The following MACROD2 variants were observed in gnomAD, a reference collection of about 807,000 sequenced individuals.
MACROD2 encodes mono-ADP ribosylhydrolase 2.
Under a neutral mutation model 70.4 loss-of-function variants are expected in MACROD2, and 36 were observed. The ratio of observed to expected loss-of-function variants is 0.51; its 90% CI spans 0.39 to 0.68. The LOEUF (loss-of-function observed/expected upper bound fraction) is 0.68, where lower values mean the gene tolerates loss of function less well. Among genes scored for constraint, MACROD2 ranks in the 30% least tolerant of loss-of-function variants. The pLI, the probability that MACROD2 is intolerant of heterozygous loss-of-function variation, is 0.00. For missense variants in MACROD2, 496 were observed against 538.4 expected (o/e 0.92, Z 0.78); for synonymous variants, 172 against 178.8 (o/e 0.96, Z 0.30).
At chr20:14,001,486 TCTTA>T (rs1340960704) in intron 1 of MACROD2, among the ~76,000 whole-genome samples, 1 of 150,476 alleles carries the variant, frequency 6.6e-6, no homozygotes, top group Non-Finnish European at 1.5e-5. Flanking sequence ...TTTTTTGTGC[TCTTA>T]CTATTTGTAC....
At chr20:14,381,376 C>G (rs568374789) in intron 3 of MACROD2, among the ~76,000 whole-genome samples, 1 of 152,102 alleles carries the variant, frequency 6.6e-6, no homozygotes, top group South Asian at 2.1e-4. Context: ...AATGAGTGAT[C>G]GTTGACCTGG....
intron 3 of MACROD2, among the ~76,000 whole-genome samples, chr20:14,446,501 C>T (rs1035334272): frequency 6.6e-6 from 1 of 152,044 alleles, no homozygotes; most frequent in Non-Finnish European, 1.5e-5. Flanking sequence ...TCTTGAGGAG[C>T]CAGGATGAAC....
chr20:15,174,700 C>T (rs1034194599), intron 5 of MACROD2, among the ~76,000 whole-genome samples: 2 of 152,224 alleles, frequency 1.3e-5, no homozygotes, highest in African/African-American at 4.8e-5. Flanking sequence ...ACCATTCTAA[C>T]TGGTGTGAGA....
intron 3 of MACROD2, among the ~76,000 whole-genome samples, chr20:14,413,344 T>TA (rs2083770278): frequency 6.6e-6 from 1 of 151,418 alleles, no homozygotes; most frequent in African/African-American, 2.4e-5. Context: ...TATTTCCCTG[T>TA]AAAACTGATA....
chr20:15,560,251 A>T (rs969530286), intron 8 of MACROD2, among the ~76,000 whole-genome samples: 4 of 152,372 alleles, frequency 2.6e-5, no homozygotes, highest in African/African-American at 7.2e-5. Flanking sequence ...CATCTCTACC[A>T]GTTAACTACC....
intron 5 of MACROD2, among the ~76,000 whole-genome samples, chr20:15,222,890 T>C (rs1169940086): frequency 6.6e-6 from 1 of 152,246 alleles, no homozygotes; most frequent in Non-Finnish European, 1.5e-5. Context: ...TAAATAATTC[T>C]ACTGCTTTCA....
At chr20:15,426,958 G>T (rs541794626) in intron 6 of MACROD2, among the ~76,000 whole-genome samples, 28 of 152,180 alleles carry the variant, frequency 1.8e-4, no homozygotes, top group African/African-American at 6.3e-4. Flanking sequence ...TGCTGCAAAA[G>T]TTGTTAGTTT....
At position 15,134,034 on chromosome 20, in the gene MACROD2, G is replaced by A. The variant is rs888918391; in HGVS notation, c.419-95906G>A. Among the ~76,000 whole-genome samples the A allele has an allele frequency of 1.3e-3, 194 of 148,838 alleles. 2 individuals carry two copies. Among genetic ancestry groups the A allele is most frequent in the Non-Finnish European group, 5.5e-4 (37 of 67,214 alleles). ...CCATTCTCCTGCCTCAGCCTCCCGC[G>A]TAGCTGGGAATACAGGTGCCCGCCA... On this transcript the variant is annotated intron_variant, in intron 5 of 17. Coordinates refer to ENST00000684519, the MANE Select transcript of MACROD2 (RefSeq NM_001351661.2).
chr20:14,817,016 A>G (rs1011547330), intron 5 of MACROD2, among the ~76,000 whole-genome samples: 3 of 152,150 alleles, frequency 2.0e-5, no homozygotes, highest in African/African-American at 7.2e-5. Flanking sequence ...CATCTAAATG[A>G]ATGCTTATCA....
Position 15,334,412 on chromosome 20 carries a change from C to T in MACROD2, c.541-96993C>T, listed in dbSNP as rs143938761. Among the ~76,000 whole-genome samples, 630 of 151,690 alleles carry T rather than the reference C, an allele frequency of 4.2e-3. 23 individuals carry two copies. The highest frequency in any genetic ancestry group is 0.015 in the African/African-American group (603 of 41,096). The stretch of plus-strand genomic sequence containing the variant: ...AAAAGATTACATAGTGTGGTGGAAA[C>T]AGCAAGATATTTGGAGCCAGACAAG... On this transcript the variant is annotated intron_variant, in intron 6 of 17. Transcript: ENST00000684519.
chr20:15,848,191 A>ATGAC (rs2064254858), intron 8 of MACROD2, among the ~76,000 whole-genome samples: 1 of 152,138 alleles, frequency 6.6e-6, no homozygotes, highest in Non-Finnish European at 1.5e-5. Flanking sequence ...ATCTGTATCA[A>ATGAC]TCACTCTCTC....
chr20:14,961,927 C>A (rs116442180), intron 5 of MACROD2, among the ~76,000 whole-genome samples: 1,660 of 152,206 alleles, frequency 0.011, 30 homozygotes, highest in East Asian at 0.051. Flanking sequence ...TATACAATAT[C>A]AATAACTAAA....
Position 14,518,871 on chromosome 20 carries a change from A to C in MACROD2, c.301+25363A>C, listed in dbSNP as rs1354178274. Among the ~76,000 whole-genome samples the C allele has an allele frequency of 1.1e-4, 17 of 152,272 alleles. No individual in the cohort carries two copies. The East Asian group carries it at 3.3e-3, about 29-fold the overall frequency. On this transcript the variant is annotated intron_variant, in intron 4 of 17. Transcript: ENST00000684519. ...TGAGTGAGGTCTGGATTTCACAGGA[A>C]AGGCTTTTTGAAAAATCACAATCCT... is the stretch of plus-strand genomic sequence containing the variant.
chr20:15,517,747 C>T (rs192414141), intron 8 of MACROD2, among the ~76,000 whole-genome samples: 16 of 152,318 alleles, frequency 1.1e-4, no homozygotes, highest in African/African-American at 3.6e-4. Flanking sequence ...GCCCCTTGTG[C>T]GCAGGGTCCC....
intron 5 of MACROD2, among the ~76,000 whole-genome samples, chr20:15,088,722 A>G (rs917358159): frequency 2.6e-5 from 4 of 151,800 alleles, no homozygotes; most frequent in Non-Finnish European, 5.9e-5. Flanking sequence ...TCATAAATAT[A>G]TAATAACTCT....
At chr20:16,000,044 G>T (rs150996321) in intron 15 of MACROD2, among the ~76,000 whole-genome samples, 1 of 152,066 alleles carries the variant, frequency 6.6e-6, no homozygotes, top group Non-Finnish European at 1.5e-5. Flanking sequence ...TACAGTTATC[G>T]CACTCTGTCA....
chr20:15,623,156 A>G (rs2049151929), intron 8 of MACROD2, among the ~76,000 whole-genome samples: 1 of 152,224 alleles, frequency 6.6e-6, no homozygotes, highest in Non-Finnish European at 1.5e-5. Flanking sequence ...ATGTGTGTTC[A>G]TGTTTTCATA....
chr20:15,242,446 GTGTT>G (rs1393749826), intron 6 of MACROD2, among the ~76,000 whole-genome samples: 2 of 152,104 alleles, frequency 1.3e-5, no homozygotes, highest in Admixed American at 6.6e-5. Flanking sequence ...TATATAATAA[GTGTT>G]TGAGAATTTC....
At chr20:15,191,999 C>T (rs546346552) in intron 5 of MACROD2, among the ~76,000 whole-genome samples, 3 of 146,992 alleles carry the variant, frequency 2.0e-5, no homozygotes, top group Non-Finnish European at 3.0e-5. Context: ...ACTATATGTG[C>T]CCTCTATTAA....
Sources: gnomAD v4.1 joint callset for allele counts (sites outside exome capture counted in the v4.1 genomes callset) on GRCh38, gnomAD v4.1.1 for gene constraint, MANE v1.5 for transcripts, NCBI Gene and HGNC (gene_info 2026-07-23, HGNC 2026-07-21) for gene names.